The following CD226 variants were observed in gnomAD, a reference collection of about 807,000 sequenced individuals.
CD226 encodes the protein CD226 antigen.
In CD226, 24 loss-of-function variants were observed where a neutral mutation model predicts 34.9. The observed-to-expected ratio is 0.69, with a 90% CI of 0.50 to 0.97. CD226 has a LOEUF of 0.97. CD226 is among the 50% of genes least tolerant of loss of function. CD226 has a pLI of 0.00. For missense variants in CD226, 397 were observed against 412.7 expected, an observed-to-expected ratio of 0.96 and a Z score of 0.33; for synonymous variants, 148 against 147.4, an observed-to-expected ratio of 1.00 and a Z score of -0.03.
chr18:69,947,157 G>A (rs2055804239), intron 1 of CD226, 88 bp from the exon 2 acceptor site: 2 of 1,132,488 alleles, frequency 1.8e-6, no homozygotes, highest in Non-Finnish European at 2.6e-6. Flanking sequence ...CTAGTGCATT[G>A]AGATCACAGT....
At chr18:69,866,562 A>G (rs1162984757) in intron 5 of CD226, among the ~76,000 whole-genome samples, 1 of 152,140 alleles carries the variant, frequency 6.6e-6, no homozygotes, top group African/African-American at 2.4e-5. Flanking sequence ...ATAATAATGA[A>G]TATCATTACG....
intron 2 of CD226, among the ~76,000 whole-genome samples, chr18:69,920,556 C>A (rs1437691371): frequency 6.6e-6 from 1 of 152,144 alleles, no homozygotes; most frequent in Non-Finnish European, 1.5e-5. Context: ...GTAGTACTTA[C>A]AATTACTCCT....
chr18:69,898,647 G>A (rs1985437208), intron 2 of CD226, among the ~76,000 whole-genome samples: 1 of 152,180 alleles, frequency 6.6e-6, no homozygotes, highest in African/African-American at 2.4e-5. Flanking sequence ...TGGTTCAGAA[G>A]CTCAGAGTAG....
chr18:69,893,127 T>C (rs1269879645), intron 3 of CD226, among the ~76,000 whole-genome samples: 1 of 152,212 alleles, frequency 6.6e-6, no homozygotes, highest in Non-Finnish European at 1.5e-5. Context: ...AACTGAAACA[T>C]ACAGTCAATG....
chr18:69,876,183 G>A (rs779645062), intron 3 of CD226, among the ~76,000 whole-genome samples: 2 of 151,888 alleles, frequency 1.3e-5, no homozygotes, highest in Non-Finnish European at 2.9e-5. Context: ...TTGTGATCAG[G>A]CAAATACAGT....
At chr18:69,918,622 C>T (rs1231964399) in intron 2 of CD226, among the ~76,000 whole-genome samples, 4 of 152,120 alleles carry the variant, frequency 2.6e-5, no homozygotes, top group Non-Finnish European at 4.4e-5. Context: ...GGCATGGTCT[C>T]GGTCCTCACA....
At chr18:69,870,941 A>G (rs1185709481) in intron 4 of CD226, among the ~76,000 whole-genome samples, 2 of 152,234 alleles carry the variant, frequency 1.3e-5, no homozygotes, top group Non-Finnish European at 2.9e-5. Flanking sequence ...AGAAGGAACA[A>G]GTGCTTTTCC....
In CD226 at chr18:69,856,382, G is replaced by GT. The variant is rs1982609690; in HGVS notation, c.*7931dup. 1 of 152,196 alleles carries GT rather than the reference G, an allele frequency of 6.6e-6. No homozygotes were observed. Among genetic ancestry groups the GT allele is most frequent in the Non-Finnish European group, 1.5e-5 (1 of 68,030 alleles). 9.4% of individuals were successfully genotyped at this position (152,196 alleles called of 1,614,324 possible). A position where few individuals can be genotyped will look rare whatever the true frequency, so the allele number is the denominator to read the frequency against. ...TTAACGAGACTTGATCACTTGATCT[G>GT]TCAGTATGTGATAGATCAAGAAGAG... is the stretch of plus-strand genomic sequence containing the variant. On this transcript the variant is annotated 3_prime_UTR_variant, in exon 6 of 6. Transcript: ENST00000582621.
intron 2 of CD226, among the ~76,000 whole-genome samples, chr18:69,916,090 T>A (rs907415314): frequency 2.6e-5 from 4 of 152,212 alleles, no homozygotes; most frequent in Non-Finnish European, 4.4e-5. Flanking sequence ...CAAAAATAAT[T>A]TACTCGCAGG....
intron 2 of CD226, among the ~76,000 whole-genome samples, chr18:69,941,611 T>C (rs779970411): frequency 2.6e-5 from 4 of 152,172 alleles, no homozygotes; most frequent in Non-Finnish European, 4.4e-5. Context: ...CATTTAGAAT[T>C]GGTGTATTTA....
At chr18:69,959,345 T>C (rs200112821), upstream of CD226, among the ~76,000 whole-genome samples, 1 of 152,190 alleles carries the variant, frequency 6.6e-6, no homozygotes, top group East Asian at 1.9e-4. Flanking sequence ...CCAACATTTT[T>C]TCATGACCCT....
In CD226 at chr18:69,862,205, T is replaced by G; in HGVS notation, c.*2109A>C. On this transcript the variant is annotated 3_prime_UTR_variant, in exon 6 of 6. Coordinates refer to ENST00000582621, the MANE Select transcript of CD226 (RefSeq NM_001303618.2). ...CACACCCAGTCATAATTTTCTCTCT[T>G]AAAATTGGATTTATATTTCCCCATA... 1 of 152,182 alleles carries G rather than the reference T, an allele frequency of 6.6e-6. No homozygotes were observed. The highest frequency in any genetic ancestry group is 1.9e-4 in the East Asian group (1 of 5,196). 9.4% of individuals were successfully genotyped at this position (152,182 alleles called of 1,614,324 possible). A position where few individuals can be genotyped will look rare whatever the true frequency, so the allele number is the denominator to read the frequency against.
intron 3 of CD226, among the ~76,000 whole-genome samples, chr18:69,875,641 T>A (rs1983818255): frequency 6.6e-6 from 1 of 152,206 alleles, no homozygotes; most frequent in East Asian, 1.9e-4. Context: ...TGATGACCAG[T>A]AATGTTGAGC....
upstream of CD226, among the ~76,000 whole-genome samples, chr18:69,952,243 G>A (rs773554630): frequency 6.6e-6 from 1 of 152,168 alleles, no homozygotes; most frequent in African/African-American, 2.4e-5. Context: ...TGGACATACA[G>A]TATGCAATAA....
At chr18:69,942,008 G>A (rs1195495597) in intron 2 of CD226, among the ~76,000 whole-genome samples, 1 of 152,058 alleles carries the variant, frequency 6.6e-6, no homozygotes, top group Non-Finnish European at 1.5e-5. Flanking sequence ...GGTTTTATAA[G>A]GGGCTTTTCC....
intron 3 of CD226, among the ~76,000 whole-genome samples, chr18:69,888,271 A>G (rs1984678238): frequency 6.6e-6 from 1 of 152,330 alleles, no homozygotes; most frequent in East Asian, 1.9e-4. Flanking sequence ...CTAAGAGACA[A>G]CCTCAAGCTG....
chr18:69,901,818 G>A (rs1056425366), intron 2 of CD226, among the ~76,000 whole-genome samples: 2 of 151,680 alleles, frequency 1.3e-5, no homozygotes, highest in African/African-American at 4.9e-5. Flanking sequence ...GGCAGAGCTT[G>A]CAGTGAGCCG....
intron 3 of CD226, among the ~76,000 whole-genome samples, chr18:69,883,238 C>T (rs1213144805): frequency 6.6e-6 from 1 of 152,038 alleles, no homozygotes; most frequent in Non-Finnish European, 1.5e-5. Flanking sequence ...CCTGTCATAA[C>T]AGAAGTTATT....
At chr18:69,891,073 T>C (rs1377166002) in intron 3 of CD226, among the ~76,000 whole-genome samples, 1 of 122,992 alleles carries the variant, frequency 8.1e-6, no homozygotes, top group Non-Finnish European at 1.7e-5. Flanking sequence ...GATGAAAAAA[T>C]CCTCAACAAA....
Sources: allele counts gnomAD v4.1 joint callset (sites outside exome capture counted in the v4.1 genomes callset), GRCh38; gene constraint gnomAD v4.1.1; transcripts MANE v1.5; gene names NCBI Gene and HGNC (gene_info 2026-07-23, HGNC 2026-07-21).